Variants in FLG observed in about 807,000 individuals in gnomAD.
The protein encoded by FLG is epidermal filaggrin.
A neutral mutation model predicts 3.8 loss-of-function variants in FLG; 6 were observed. The ratio of observed to expected loss-of-function variants is 1.60; its 90% CI spans 0.87 to 3.15. The LOEUF (loss-of-function observed/expected upper bound fraction) is 3.15, where lower values mean the gene tolerates loss of function less well. Ranked by LOEUF, FLG falls within the 30% of genes most tolerant of loss-of-function variation. The probability of loss-of-function intolerance (pLI) is 0.00; values close to 1 mark genes in which losing one functional copy is unlikely to be tolerated. For synonymous variants in FLG, 2,551 were observed against 1,931.6 expected, an observed-to-expected ratio of 1.32 and a Z score of -8.41; for missense variants, 7,595 against 5,050.9, an observed-to-expected ratio of 1.50 and a Z score of -15.27.
chr1:152,309,592 A>G lies in FLG; in HGVS notation c.5294T>C (p.Phe1765Ser). Residue 1765 changes from phenylalanine to serine, a missense_variant, in exon 3 of 3, where the codon TTC becomes TCC. Transcript: ENST00000368799. ...TTCATGAGTGCTCACCTGGTAGAGGAAAGACCCTGAACGTCCAGACCTTTC... is the reference window on the plus strand; with the variant it reads ...TTCATGAGTGCTCACCTGGTAGAGGGAAGACCCTGAACGTCCAGACCTTTC... Reference protein sequence around the residue: ...SGERSGRSGSFLYQVSTHEQS... With the variant: ...SGERSGRSGSSLYQVSTHEQS... 1 of 1,613,620 alleles carries G rather than the reference A, an allele frequency of 6.2e-7. No homozygotes were observed. Among genetic ancestry groups the G allele is most frequent in the Non-Finnish European group, 8.5e-7 (1 of 1,179,948 alleles).
In FLG at chr1:152,310,993, G is replaced by C; in HGVS notation, c.3893C>G (p.Ser1298Cys). Residue 1298 changes from serine to cysteine, a missense_variant, in exon 3 of 3, where the codon TCT (serine) becomes TGT (cysteine). By Grantham distance (112) the Ser-to-Cys change is moderately radical. Coordinates refer to ENST00000368799, the MANE Select transcript of FLG (RefSeq NM_002016.2). ...GSASRNHHGS[S>C]REQSRDGSRH... ...GGAGCCATCTCTTGACTGCTCCCGA[G>C]AAGATCCATGATGGTTTCTGGAAGC... is the stretch of plus-strand genomic sequence containing the variant. 1 of 1,613,904 alleles carries C rather than the reference G, an allele frequency of 6.2e-7. No individual in the cohort carries two copies. The highest frequency in any genetic ancestry group is 1.1e-5 in the South Asian group (1 of 91,032).
At position 152,312,931 on chromosome 1, in the gene FLG, T is replaced by C. The variant is rs201811353; in HGVS notation, c.1955A>G (p.Gln652Arg). 15 of 1,613,952 alleles carry C rather than the reference T, an allele frequency of 9.3e-6. No individual in the cohort carries two copies. Among genetic ancestry groups the C allele is most frequent in the Non-Finnish European group, 1.3e-5 (15 of 1,180,030 alleles). Residue 652 changes from glutamine to arginine, a missense_variant, in exon 3 of 3, where the codon CAG becomes CGG. Coordinates refer to ENST00000368799, the MANE Select transcript of FLG (RefSeq NM_002016.2). ...GGGGTGTCTGGAGCCATCTCTTGAC[T>C]GCTCCTGAGCAGATCCATGATGGTT... ...SRNHHGSAQE[Q>R]SRDGSRHPRS...
rs147738817 is a variant in FLG, at chr1:152,312,434, G to C, written c.2452C>G (p.Gln818Glu). The change falls in exon 3 of 3, where the codon CAA becomes GAA. Residue 818 changes from glutamine to glutamate, a missense_variant. Gln to Glu is a conservative substitution (Grantham distance 29, BLOSUM62 2). Transcript: ENST00000368799. Reference protein sequence around the residue: ...GWTGPSTGVRQGSHHEQARDN... With the variant: ...GWTGPSTGVREGSHHEQARDN... ...CGTGCCTGCTCATGGTGGGATCCTT[G>C]TCTTACTCCAGTGCTGGGCCCTGTC... is the stretch of plus-strand genomic sequence containing the variant. The C allele has an allele frequency of 2.4e-5, 38 of 1,613,572 alleles. No homozygotes were observed. The African/African-American group carries it at 4.8e-4, about 20-fold the overall frequency.
chr1:152,307,874 C>T lies in FLG; in HGVS notation c.7012G>A (p.Ala2338Thr). 6.2e-7 allele frequency: 1 copy of T among 1,612,934 alleles called. No homozygotes were observed. Reference sequence around the variant, plus strand: ...ATGCCTGAGTGTCTGGAGCTGTCTGCTGACTGCTGGTGGTGGGATCCGTGT... The same window carrying T: ...ATGCCTGAGTGTCTGGAGCTGTCTGTTGACTGCTGGTGGTGGGATCCGTGT... ...ERHGSHHQQS[A>T]DSSRHSGIGH... The change falls in exon 3 of 3, where the codon GCA becomes ACA. Residue 2338 changes from alanine to threonine, a missense_variant. By Grantham distance (58) the Ala-to-Thr change is moderately conservative (BLOSUM62 0). Coordinates refer to ENST00000368799, the MANE Select transcript of FLG (RefSeq NM_002016.2).
At position 152,311,745 on chromosome 1, in the gene FLG, T is replaced by G. The variant is rs1487372246; in HGVS notation, c.3141A>C (p.Ser1047=). 5 of 1,614,016 alleles carry G rather than the reference T, an allele frequency of 3.1e-6. No homozygotes were observed. Among genetic ancestry groups the G allele is most frequent in the Middle Eastern group, 1.6e-4 (1 of 6,084 alleles). ...ATGAAGCTTGTCTGCGCGGAATGCC[T>G]GAGTGTCTGGAGCTGTCTGCTGACT... The part of the protein sequence containing the change: ...HQQSADSSRH[S]GIPRRQASSA... Residue 1047 remains serine, a synonymous_variant, in exon 3 of 3, where the codon TCA becomes TCC. Coordinates refer to ENST00000368799, the MANE Select transcript of FLG (RefSeq NM_002016.2).
Position 152,313,754 on chromosome 1 carries a change from A to T in FLG, c.1132T>A (p.Ser378Thr), listed in dbSNP as rs1186912630. 2 of 1,613,782 alleles carry T rather than the reference A, an allele frequency of 1.2e-6. No homozygotes were observed. The highest frequency in any genetic ancestry group is 1.7e-6 in the Non-Finnish European group (2 of 1,179,934). The change falls in exon 3 of 3, where the codon TCA (serine) becomes ACA (threonine). Residue 378 changes from serine to threonine, a missense_variant. Transcript: ENST00000368799. Reference protein sequence around the residue: ...QTASSHEQARSSPGERHGSGH... With the variant: ...QTASSHEQARTSPGERHGSGH... ...GATCCATGTCTTTCTCCTGGACTTG[A>T]TCTTGCCTGTTCATGGGATGATGCA...
At position 152,303,144 on chromosome 1, in the gene FLG, C is replaced by T. The variant is rs1557869648; in HGVS notation, c.11742G>A (p.Gln3914=). ...TAGAGTCTGACTGTACAGGTGAAGA[C>T]TGTACATGACTGGCTGTATCGCGGT... ...SSHRDTASHV[Q]SSPVQSDSST... Residue 3914 remains glutamine (Q), a synonymous_variant, in exon 3 of 3, where the codon CAG becomes CAA. Transcript: ENST00000368799. 1 of 1,614,164 alleles carries T rather than the reference C, an allele frequency of 6.2e-7. No homozygotes were observed. The highest frequency in any genetic ancestry group is 8.5e-7 in the Non-Finnish European group (1 of 1,180,020).
chr1:152,308,796 T>A lies in FLG; in HGVS notation c.6090A>T (p.Ala2030=). The A allele has an allele frequency of 6.2e-7, 1 of 1,614,202 alleles. No individual in the cohort carries two copies. The highest frequency in any genetic ancestry group is 1.1e-5 in the South Asian group (1 of 91,082). ...SGIGHGQASS[A]VRDSGHRGYS... is the part of the protein sequence containing the mutation. The stretch of plus-strand genomic sequence containing the variant: ...ACCCTCGGTGTCCACTGTCTCTGAC[T>A]GCAGATGAAGCTTGTCCATGCCCAA... The change falls in exon 3 of 3, where the codon GCA becomes GCT. Residue 2030 remains alanine (A), a synonymous_variant. Transcript: ENST00000368799.
rs778899223 is a variant in FLG, at chr1:152,305,394, T to A, written c.9492A>T (p.Thr3164=). Residue 3164 remains threonine (T), a synonymous_variant, in exon 3 of 3, where the codon ACA becomes ACT. Transcript: ENST00000368799. ...GQSGSRSASR[T]TRNEEQSGDS... is the part of the protein sequence containing the mutation. ...CTCCTGATTGTTCCTCATTACGTGT[T>A]GTTCTGCTTGCACTTCTGGATCCTG... 5.0e-6 allele frequency: 8 copies of A among 1,605,940 alleles called. No homozygotes were observed. Among genetic ancestry groups the A allele is most frequent in the Non-Finnish European group, 6.8e-6 (8 of 1,178,844 alleles).
chr1:152,313,983 C>A lies in FLG; in HGVS notation c.903G>T (p.Arg301Ser), dbSNP rs200925308. 40 of 1,613,984 alleles carry A rather than the reference C, an allele frequency of 2.5e-5. No individual in the cohort carries two copies. The highest frequency in any genetic ancestry group is 4.0e-5 in the African/African-American group (3 of 74,894). ...KRRGSRVSQDRDSEGHSEDSE... is the reference protein window; with the variant it reads ...KRRGSRVSQDSDSEGHSEDSE... ...AGTCTTCTGAGTGTCCCTCACTGTCCCTGTCCTGGCTAACTCTGGATCCCC... is the reference window on the plus strand; with the variant it reads ...AGTCTTCTGAGTGTCCCTCACTGTCACTGTCCTGGCTAACTCTGGATCCCC... The change falls in exon 3 of 3, where the codon AGG (arginine) becomes AGT (serine). Residue 301 changes from arginine (R) to serine (S), a missense_variant. Physicochemically the swap from Arg to Ser is moderately radical, Grantham distance 110. Transcript: ENST00000368799.
rs762983931 is a variant in FLG, at chr1:152,309,526, C to T, written c.5360G>A (p.Gly1787Glu). 1 of 1,613,804 alleles carries T rather than the reference C, an allele frequency of 6.2e-7. No homozygotes were observed. The highest frequency in any genetic ancestry group is 1.1e-5 in the South Asian group (1 of 91,056). The change falls in exon 3 of 3, where the codon GGA becomes GAA. Residue 1787 changes from glycine (G) to glutamate (E), a missense_variant. By Grantham distance (98) the Gly-to-Glu change is moderately conservative. Coordinates refer to ENST00000368799, the MANE Select transcript of FLG (RefSeq NM_002016.2). ...CTCGTGGCGGGATCTTTGTCTTCCTCCAGTGCTGGGCCCTGTGCGTCCATG... is the reference window on the plus strand; with the variant it reads ...CTCGTGGCGGGATCTTTGTCTTCCTTCAGTGCTGGGCCCTGTGCGTCCATG... ...SAHGRTGPST[G>E]GRQRSRHEQA... is the part of the protein sequence containing the mutation.
intron 1 of FLG, among the ~76,000 whole-genome samples, chr1:152,317,953 A>G (rs1274598411): frequency 6.6e-6 from 1 of 152,034 alleles, no homozygotes. Context: ...TACATCCAAT[A>G]TCTATTCCAT....
Position 152,304,075 on chromosome 1 carries a change from T to C in FLG, c.10811A>G (p.Glu3604Gly), listed in dbSNP as rs199695095. The C allele has an allele frequency of 2.8e-4, 456 of 1,612,538 alleles. No individual in the cohort carries two copies. The highest frequency in any genetic ancestry group is 1.3e-3 in the Admixed American group (77 of 59,622). Reference sequence around the variant, plus strand: ...TGCAGCCTGTCCACCAGAGGAATTCTCTGCATGATGAGTGCCTGATTGTCT... The same window carrying C: ...TGCAGCCTGTCCACCAGAGGAATTCCCTGCATGATGAGTGCCTGATTGTCT... The part of the protein sequence containing the change: ...SSRQSGTHHA[E>G]NSSGGQAASS... The change falls in exon 3 of 3, where the codon GAG (glutamate) becomes GGG (glycine). Residue 3604 changes from glutamate (E) to glycine (G), a missense_variant. By Grantham distance (98) the Glu-to-Gly change is moderately conservative. Coordinates refer to ENST00000368799, the MANE Select transcript of FLG (RefSeq NM_002016.2).
rs201304512 is a variant in FLG, at chr1:152,303,610, C to T, written c.11276G>A (p.Arg3759His). 68 of 1,613,714 alleles carry T rather than the reference C, an allele frequency of 4.2e-5. No individual in the cohort carries two copies. The highest frequency in any genetic ancestry group is 8.8e-5 in the South Asian group (8 of 91,074). Residue 3759 changes from arginine (R) to histidine (H), a missense_variant, in exon 3 of 3, where the codon CGT (arginine) becomes CAT (histidine). By Grantham distance (29) the Arg-to-His change is conservative. Coordinates refer to ENST00000368799, the MANE Select transcript of FLG (RefSeq NM_002016.2). ...SASQEGQDTIRGHPGSRRGGR... is the reference protein window; with the variant it reads ...SASQEGQDTIHGHPGSRRGGR... Reference sequence around the variant, plus strand: ...TCCTCTCCTTGACCCCGGGTGTCCACGAATGGTGTCCTGACCCTCTTGGGA... The same window carrying T: ...TCCTCTCCTTGACCCCGGGTGTCCATGAATGGTGTCCTGACCCTCTTGGGA...
chr1:152,309,288 T>A lies in FLG; in HGVS notation c.5598A>T (p.Arg1866Ser), dbSNP rs183282325. The change falls in exon 3 of 3, where the codon AGA becomes AGT. Residue 1866 changes from arginine to serine, a missense_variant. Transcript: ENST00000368799. ...RGQSGSRSVS[R>S]QTRNEKQSGD... ...CTGATTGTTTCTCATTACGTGTTTG[T>A]CTGCTGACACTTCTGGATCCTGACT... 2 of 1,613,784 alleles carry A rather than the reference T, an allele frequency of 1.2e-6. No individual in the cohort carries two copies. Among genetic ancestry groups the A allele is most frequent in the Middle Eastern group, 1.6e-4 (1 of 6,062 alleles).
rs374456748 is a variant in FLG at position 152,310,393 on chromosome 1, C to T, written c.4493G>A (p.Gly1498Glu). 10 of 1,613,688 alleles carry T rather than the reference C, an allele frequency of 6.2e-6. No homozygotes were observed. The highest frequency in any genetic ancestry group is 6.8e-6 in the Non-Finnish European group (8 of 1,179,968). The change falls in exon 3 of 3, where the codon GGA (glycine) becomes GAA (glutamate). Residue 1498 changes from glycine to glutamate, a missense_variant. Physicochemically the swap from Gly to Glu is moderately conservative, Grantham distance 98. Transcript: ENST00000368799. The stretch of plus-strand genomic sequence containing the variant: ...CTCGTGGTAGGATCCCTGCCTTCCT[C>T]CTCTGCTTGACCCCGGGTGTCCACG... The part of the protein sequence containing the change: ...TIRGHPGSSR[G>E]GRQGSYHEQS...
In FLG at chr1:152,308,581, G is replaced by T. The variant is rs781672763; in HGVS notation, c.6305C>A (p.Ser2102Tyr). ...YQVSTHEQSE[S>Y]THGQSAPSTG... ...GCTGGGCGCAGACTGTCCATGGGTG[G>T]ACTCAGACTGTTCATGAGTGCTCAC... Residue 2102 changes from serine (S) to tyrosine (Y), a missense_variant, in exon 3 of 3, where the codon TCC becomes TAC. Ser to Tyr is a moderately radical substitution (Grantham distance 144). Coordinates refer to ENST00000368799, the MANE Select transcript of FLG (RefSeq NM_002016.2). 89 of 1,613,944 alleles carry T rather than the reference G, an allele frequency of 5.5e-5. No individual in the cohort carries two copies. The highest frequency in any genetic ancestry group is 2.7e-4 in the Admixed American group (16 of 59,992).
Position 152,307,163 on chromosome 1 carries a change from C to G in FLG, c.7723G>C (p.Gly2575Arg), listed in dbSNP as rs1378780863. The G allele has an allele frequency of 6.2e-7, 1 of 1,612,776 alleles. No individual in the cohort carries two copies. Among genetic ancestry groups the G allele is most frequent in the Admixed American group, 1.7e-5 (1 of 59,946 alleles). ...CACCTCTCAGAGTCTTCTGAGTGTC[C>G]CTGACTGTCACTGTCCTGGCTAAAA... ...SSFSQDSDSQ[G>R]HSEDSERWSG... The change falls in exon 3 of 3, where the codon GGA becomes CGA. Residue 2575 changes from glycine (G) to arginine (R), a missense_variant. Gly to Arg is a moderately radical substitution (Grantham distance 125). Transcript: ENST00000368799.
In FLG at chr1:152,319,671, C is replaced by T. The variant is rs897282676; in HGVS notation, c.-21-4194G>A. On this transcript the variant is annotated intron_variant, in intron 1 of 2. Coordinates refer to ENST00000368799, the MANE Select transcript of FLG (RefSeq NM_002016.2). ...AAAAGAAACAATGGAAGCTAAAAGA[C>T]GATGAAATGTTATATTCATCTTTCT... Among the ~76,000 whole-genome samples, 4 of 151,284 alleles carry T rather than the reference C, an allele frequency of 2.6e-5. No homozygotes were observed. In the East Asian group the frequency reaches 5.8e-4, roughly 22 times the overall value.
Sources: gnomAD v4.1 joint callset for allele counts (sites outside exome capture counted in the v4.1 genomes callset) on GRCh38, gnomAD v4.1.1 for gene constraint, MANE v1.5 for transcripts, NCBI Gene and HGNC (gene_info 2026-07-23, HGNC 2026-07-21) for gene names.